TCEA3: variants seen among roughly 807,000 people sequenced by gnomAD.
The protein encoded by TCEA3 is transcription elongation factor A protein 3.
Under a neutral mutation model 44.0 loss-of-function variants are expected in TCEA3, and 36 were observed. The ratio of observed to expected loss-of-function variants is 0.82; its 90% confidence interval spans 0.63 to 1.08. The LOEUF is 1.08. Ranked by LOEUF, TCEA3 falls within the 50% of genes least tolerant of loss-of-function variation. The probability of loss-of-function intolerance (pLI) is 0.00; values close to 1 mark genes in which losing one functional copy is unlikely to be tolerated. For missense variants in TCEA3, 392 were observed against 441.2 expected (o/e 0.89, Z 1.00); for synonymous variants, 162 against 159.7 (o/e 1.01, Z -0.11).
At chr1:23,396,110 G>C (rs1266557959) in intron 7 of TCEA3, among the ~76,000 whole-genome samples, 4 of 152,104 alleles carry the variant, frequency 2.6e-5, no homozygotes, top group African/African-American at 9.7e-5. Context: ...AATGAGAGTA[G>C]AGAGAAACCA....
At chr1:23,390,505 A>T (rs1638991391) in intron 8 of TCEA3, among the ~76,000 whole-genome samples, 1 of 152,156 alleles carries the variant, frequency 6.6e-6, no homozygotes, top group Non-Finnish European at 1.5e-5. Context: ...AACAAAAAAC[A>T]GCAGGCACAA....
intron 5 of TCEA3, among the ~76,000 whole-genome samples, chr1:23,402,131 G>A (rs936075616): frequency 1.3e-5 from 2 of 152,188 alleles, no homozygotes; most frequent in African/African-American, 4.8e-5. Context: ...ACTTTGGTCA[G>A]GAGTTTGAGA....
At chr1:23,390,422 A>G (rs1225611977) in intron 8 of TCEA3, among the ~76,000 whole-genome samples, 1 of 152,184 alleles carries the variant, frequency 6.6e-6, no homozygotes, top group Non-Finnish European at 1.5e-5. Context: ...TGGAGGTTGC[A>G]GTGAGCTGAG....
chr1:23,405,097 A>G (rs1408609965), intron 5 of TCEA3, among the ~76,000 whole-genome samples: 2 of 152,226 alleles, frequency 1.3e-5, no homozygotes, highest in South Asian at 4.1e-4. Context: ...TGCCCCCTTC[A>G]GACAGGCACA....
intron 4 of TCEA3, among the ~76,000 whole-genome samples, chr1:23,416,000 CTTTTTTTTT>C (rs768819564): frequency 8.4e-6 from 1 of 118,716 alleles, no homozygotes; most frequent in South Asian, 2.8e-4. Context: ...CTACATTTTC[CTTTTTTTTT>C]TTTTTTTTTT....
intron 5 of TCEA3, among the ~76,000 whole-genome samples, chr1:23,407,926 T>C (rs1639589400): frequency 1.3e-5 from 2 of 152,082 alleles, no homozygotes; most frequent in African/African-American, 4.8e-5. Flanking sequence ...TAGGCTTTCT[T>C]TCTTTTTCTT....
At chr1:23,391,607 T>C in intron 8 of TCEA3, among the ~76,000 whole-genome samples, 1 of 152,172 alleles carries the variant, frequency 6.6e-6, no homozygotes, top group East Asian at 1.9e-4. Flanking sequence ...TGCCCTGATG[T>C]TGGACTGTCC....
intron 10 of TCEA3, among the ~76,000 whole-genome samples, chr1:23,382,301 A>G (rs2148539293): frequency 6.6e-6 from 1 of 152,252 alleles, no homozygotes; most frequent in Admixed American, 6.5e-5. Flanking sequence ...CGGCCTCCCA[A>G]AGTGCTGGAA....
Position 23,397,619 on chromosome 1 carries a change from A to T in TCEA3, c.608-18T>A. On this transcript the variant is annotated intron_variant, in intron 6 of 10. Coordinates refer to ENST00000450454, the MANE Select transcript of TCEA3 (RefSeq NM_003196.3). Reference sequence around the variant, plus strand: ...GTAATCATCTAAAAGAGATTCGAGAAATACAGGTATCAGCCAGACACAACG... The same window carrying T: ...GTAATCATCTAAAAGAGATTCGAGATATACAGGTATCAGCCAGACACAACG... 6.2e-7 allele frequency: 1 copy of T among 1,613,314 alleles called. No individual in the cohort carries two copies. Among genetic ancestry groups the T allele is most frequent in the Middle Eastern group, 1.7e-4 (1 of 5,988 alleles).
intron 8 of TCEA3, among the ~76,000 whole-genome samples, chr1:23,387,860 C>G (rs576882628): frequency 6.6e-6 from 1 of 152,182 alleles, no homozygotes; most frequent in African/African-American, 2.4e-5. Flanking sequence ...CCCTGCTGTT[C>G]TGCTTAGTGG....
At chr1:23,395,854 A>AGT (rs1639201285) in intron 7 of TCEA3, among the ~76,000 whole-genome samples, 1 of 150,628 alleles carries the variant, frequency 6.6e-6, no homozygotes, top group Non-Finnish European at 1.5e-5. Context: ...AGGAACTTTC[A>AGT]GTGGATGGAG....
At chr1:23,382,281 G>A (rs1407879294) in intron 10 of TCEA3, among the ~76,000 whole-genome samples, 2 of 152,042 alleles carry the variant, frequency 1.3e-5, no homozygotes, top group Non-Finnish European at 1.5e-5. Context: ...CCCGACCTCA[G>A]GTGATCCACC....
chr1:23,401,271 G>A lies in TCEA3; in HGVS notation c.444-3316C>T, dbSNP rs1639387472. ...CCATGCATACCGGTGAGGTGGGCTG[G>A]GGATGGTAAACTCTGTTCTTGTAAG... is the stretch of plus-strand genomic sequence containing the variant. On this transcript the variant is annotated intron_variant, in intron 5 of 10. Transcript: ENST00000450454. Among the ~76,000 whole-genome samples the A allele has an allele frequency of 2.6e-5, 4 of 152,144 alleles. No individual in the cohort carries two copies. The South Asian group carries it at 6.2e-4, about 24-fold the overall frequency.
At chr1:23,389,228 C>A (rs1638946168) in intron 8 of TCEA3, among the ~76,000 whole-genome samples, 1 of 152,156 alleles carries the variant, frequency 6.6e-6, no homozygotes, top group Admixed American at 6.6e-5. Flanking sequence ...TGGCTTACAC[C>A]TGTAATCTCA....
intron 5 of TCEA3, among the ~76,000 whole-genome samples, chr1:23,406,432 T>A (rs1192474088): frequency 6.6e-6 from 1 of 152,130 alleles, no homozygotes; most frequent in Non-Finnish European, 1.5e-5. Flanking sequence ...TGGACCCTAA[T>A]CGTTCTCCTT....
intron 1 of TCEA3, among the ~76,000 whole-genome samples, chr1:23,422,490 G>A (rs201137651): frequency 1.3e-5 from 2 of 152,098 alleles, no homozygotes; most frequent in East Asian, 3.9e-4. Context: ...AGTAAACCCC[G>A]GGCCTGAGCT....
At chr1:23,389,927 A>G (rs901860324) in intron 8 of TCEA3, among the ~76,000 whole-genome samples, 5 of 152,220 alleles carry the variant, frequency 3.3e-5, no homozygotes, top group Admixed American at 6.5e-5. Flanking sequence ...TCTGAGTCCA[A>G]CGGATTCAGA....
At chr1:23,423,204 G>A (rs1046641045) in intron 1 of TCEA3, among the ~76,000 whole-genome samples, 6 of 152,202 alleles carry the variant, frequency 3.9e-5, no homozygotes, top group Admixed American at 2.6e-4. Context: ...CTGCAGGTTT[G>A]TGCTGTATCT....
intron 1 of TCEA3, among the ~76,000 whole-genome samples, chr1:23,423,227 C>T (rs940727575): frequency 1.3e-4 from 20 of 152,294 alleles, no homozygotes; most frequent in African/African-American, 3.8e-4. Context: ...CTGTGTTGGA[C>T]CTGGCTGCGT....
Sources: gnomAD v4.1 joint callset for allele counts (sites outside exome capture counted in the v4.1 genomes callset) on GRCh38, gnomAD v4.1.1 for gene constraint, MANE v1.5 for transcripts, NCBI Gene and HGNC (gene_info 2026-07-23, HGNC 2026-07-21) for gene names.